CHAF1B: variants seen among roughly 807,000 people sequenced by gnomAD.
CHAF1B encodes the protein chromatin assembly factor 1 subunit B, also known as CAF-1 subunit B.
In CHAF1B, 10 loss-of-function variants were observed where a neutral mutation model predicts 60.7. The observed-to-expected ratio is 0.16, with a 90% CI of 0.10 to 0.28. The LOEUF is 0.28. Among genes scored for constraint, CHAF1B ranks in the 10% least tolerant of loss-of-function variants. The probability of loss-of-function intolerance (pLI) is 1.00; values close to 1 mark genes in which losing one functional copy is unlikely to be tolerated. For synonymous variants in CHAF1B, 261 were observed against 266.1 expected (o/e 0.98, Z 0.19); for missense variants, 558 against 708.4 (o/e 0.79, Z 2.41).
intron 10 of CHAF1B, among the ~76,000 whole-genome samples, chr21:36,410,671 T>C (rs1444013114): frequency 6.7e-6 from 1 of 148,288 alleles, no homozygotes; most frequent in Non-Finnish European, 1.5e-5. Context: ...CTCTTGCTGC[T>C]TTCTTTTTTT....
chr21:36,388,147 TGGC>T (rs2086050686), intron 3 of CHAF1B, among the ~76,000 whole-genome samples: 1 of 151,980 alleles, frequency 6.6e-6, no homozygotes, highest in South Asian at 2.1e-4. Flanking sequence ...AGTTCAGGTG[TGGC>T]TGACCCTCTC....
Position 36,415,369 on chromosome 21 carries a change from C to G in CHAF1B, c.1568C>G (p.Ser523Cys), listed in dbSNP as rs1173743455. 1 of 1,603,194 alleles carries G rather than the reference C, an allele frequency of 6.2e-7. No homozygotes were observed. Among genetic ancestry groups the G allele is most frequent in the African/African-American group, 1.3e-5 (1 of 74,648 alleles). The change falls in exon 13 of 14, where the codon TCT (serine) becomes TGT (cysteine). Residue 523 changes from serine to cysteine, a missense_variant. Physicochemically the swap from Ser to Cys is moderately radical, Grantham distance 112 (BLOSUM62 -1). This residue lies in a region of CHAF1B where 233 missense variants were observed against 214.9 expected (regional missense o/e 1.08). Transcript: ENST00000314103. Reference protein sequence around the residue: ...SVPTSVISTPSTEEIQSETPG... With the variant: ...SVPTSVISTPCTEEIQSETPG... ...CCAACCAGTGTGATTTCCACCCCTT[C>G]TACAGAAGAAATTCAGTCAGGTAAG... is the stretch of plus-strand genomic sequence containing the variant.
chr21:36,415,533 G>A (rs966874603), intron 13 of CHAF1B, 144 bp downstream of exon 13: 56 of 645,590 alleles, frequency 8.7e-5, no homozygotes, highest in African/African-American at 1.6e-4. Flanking sequence ...TAAACCCGCC[G>A]GCTGCCTGTT....
chr21:36,413,022 A>G lies in CHAF1B; in HGVS notation c.1200A>G (p.Lys400=), dbSNP rs755821149. The G allele has an allele frequency of 6.2e-7, 1 of 1,614,190 alleles. No individual in the cohort carries two copies. Among genetic ancestry groups the G allele is most frequent in the South Asian group, 1.1e-5 (1 of 91,074 alleles). ...LNMRTPDTAK[K]TKSQTHRGSS... ...TGAGAACTCCTGATACAGCAAAGAAAACCAAGAGTCAGACACATCGAGGGT... is the reference window on the plus strand; with the variant it reads ...TGAGAACTCCTGATACAGCAAAGAAGACCAAGAGTCAGACACATCGAGGGT... Residue 400 remains lysine (K), a synonymous_variant, in exon 12 of 14, where the codon AAA becomes AAG. Coordinates refer to ENST00000314103, the MANE Select transcript of CHAF1B (RefSeq NM_005441.3).
chr21:36,389,333 T>A (rs2146359995), intron 3 of CHAF1B, among the ~76,000 whole-genome samples: 1 of 152,134 alleles, frequency 6.6e-6, no homozygotes, highest in Non-Finnish European at 1.5e-5. Context: ...CTGGGCGCGG[T>A]CGCTCACACA....
rs139573855 is a variant in CHAF1B at position 36,415,493 on chromosome 21, G to A, written c.1588+104G>A. 9.1e-4 allele frequency: 732 copies of A among 807,294 alleles called. 5 individuals are homozygous for A. The East Asian group carries it at 0.016, about 18-fold the overall frequency. 50.0% of individuals were successfully genotyped at this position (807,294 alleles called of 1,614,324 possible). A position where few individuals can be genotyped will look rare whatever the true frequency, so the allele number is the denominator to read the frequency against. On this transcript the variant is annotated intron_variant, in intron 13 of 13. Coordinates refer to ENST00000314103, the MANE Select transcript of CHAF1B (RefSeq NM_005441.3). The stretch of plus-strand genomic sequence containing the variant: ...CTAATTTTAAGTCAGTTCTGAGACA[G>A]CAGGGATGCATCTTATTGGAACCAT...
chr21:36,389,800 T>TGTGTGTGTGCGCGCGC lies in CHAF1B; in HGVS notation c.260-1750_260-1749insTGTGTGTGCGCGCGCG. Among the ~76,000 whole-genome samples the TGTGTGTGTGCGCGCGC allele has an allele frequency of 7.2e-3, 894 of 124,708 alleles. 8 individuals are homozygous for TGTGTGTGTGCGCGCGC. The highest frequency in any genetic ancestry group is 0.015 in the African/African-American group (436 of 28,416). The allele number at this position is 124,708 out of a possible 152,430, so 81.8% of individuals were successfully genotyped here. On this transcript the variant is annotated intron_variant, in intron 3 of 13. Transcript: ENST00000314103. ...GTGTGTGTGTGTGTGTGTGTGTGTG[T>TGTGTGTGTGCGCGCGC]GCGCGCGCACGCTGATTTGTAGAGG... is the stretch of plus-strand genomic sequence containing the variant.
chr21:36,399,626 C>A (rs768015697), intron 7 of CHAF1B, 21 bp downstream of exon 7: 50 of 1,600,162 alleles, frequency 3.1e-5, no homozygotes, highest in Non-Finnish European at 3.8e-5. Flanking sequence ...TTTTGCCATT[C>A]TTTTTCAGCA....
intron 10 of CHAF1B, among the ~76,000 whole-genome samples, 200 bp from the exon 11 acceptor site, chr21:36,411,263 A>C (rs1243293965): frequency 6.6e-6 from 1 of 150,570 alleles, no homozygotes; most frequent in African/African-American, 2.4e-5. Context: ...ACAGGCACAC[A>C]CCCCCACGCC....
intron 7 of CHAF1B, among the ~76,000 whole-genome samples, chr21:36,401,641 T>C (rs986201797): frequency 7.1e-6 from 1 of 141,098 alleles, no homozygotes; most frequent in Non-Finnish European, 1.5e-5. Context: ...ATATATAATA[T>C]ATATTTTTAT....
At chr21:36,402,649 G>A in intron 7 of CHAF1B, 109 bp from the exon 8 acceptor site, 1 of 778,718 alleles carries the variant, frequency 1.3e-6, no homozygotes. Flanking sequence ...GGCACATATA[G>A]CAGTTGGGAA....
chr21:36,408,527 G>A (rs1056433198), intron 8 of CHAF1B, among the ~76,000 whole-genome samples: 1 of 152,180 alleles, frequency 6.6e-6, no homozygotes, highest in Admixed American at 6.6e-5. Context: ...CCAGGTCCCC[G>A]GGGATTGCCC....
At chr21:36,399,160 G>A (rs767370904) in intron 6 of CHAF1B, among the ~76,000 whole-genome samples, 5 of 151,172 alleles carry the variant, frequency 3.3e-5, no homozygotes, top group Non-Finnish European at 7.4e-5. Flanking sequence ...TCAGCCTCCC[G>A]AGTAGCAGGG....
chr21:36,416,204 C>T, intron 13 of CHAF1B, 71 bp from the exon 14 acceptor site: 1 of 1,321,686 alleles, frequency 7.6e-7, no homozygotes, highest in Non-Finnish European at 1.1e-6. Flanking sequence ...GCTCTGTATT[C>T]TGTAAATGTC....
At chr21:36,410,576 G>C (rs1321134914) in intron 10 of CHAF1B, among the ~76,000 whole-genome samples, 1 of 151,442 alleles carries the variant, frequency 6.6e-6, no homozygotes, top group African/African-American at 2.4e-5. Flanking sequence ...CATCCAGTGT[G>C]TTTTTCTTTG....
intron 8 of CHAF1B, among the ~76,000 whole-genome samples, chr21:36,406,636 T>TACA (rs2086240270): frequency 6.6e-6 from 1 of 152,126 alleles, no homozygotes; most frequent in African/African-American, 2.4e-5. Context: ...GTGTATGACA[T>TACA]GATGTTTTGA....
At chr21:36,408,604 A>G (rs1425441856) in intron 8 of CHAF1B, among the ~76,000 whole-genome samples, 157 bp from the exon 9 acceptor site, 3 of 152,180 alleles carry the variant, frequency 2.0e-5, no homozygotes, top group Non-Finnish European at 2.9e-5. Flanking sequence ...GTGCCGGAAT[A>G]TATGTTTTTG....
At chr21:36,414,802 G>A (rs972064311) in intron 12 of CHAF1B, among the ~76,000 whole-genome samples, 3 of 152,086 alleles carry the variant, frequency 2.0e-5, no homozygotes, top group Admixed American at 6.6e-5. Context: ...TAGTAGAGAC[G>A]AGGTTTTGCC....
intron 12 of CHAF1B, among the ~76,000 whole-genome samples, chr21:36,414,995 C>A (rs1469251124): frequency 6.6e-6 from 1 of 152,210 alleles, no homozygotes; most frequent in African/African-American, 2.4e-5. Flanking sequence ...CCTTTTACAG[C>A]AGCCAGCAGA....
Sources: allele counts gnomAD v4.1 joint callset (sites outside exome capture counted in the v4.1 genomes callset), GRCh38; gene constraint gnomAD v4.1.1; regional missense constraint gnomAD v4.1.1; transcripts MANE v1.5; gene names NCBI Gene and HGNC (gene_info 2026-07-23, HGNC 2026-07-21).